The following DYNC2H1 variants were observed in gnomAD, a reference collection of about 807,000 sequenced individuals.
DYNC2H1 encodes cytoplasmic dynein 2 heavy chain 1.
In DYNC2H1, 410 loss-of-function variants were observed where a neutral mutation model predicts 570.0. That is an observed-to-expected ratio of 0.72 (90% CI 0.66 to 0.78). The LOEUF is 0.78. DYNC2H1 is among the 30% of genes least tolerant of loss of function. DYNC2H1 has a pLI of 0.00. For missense variants in DYNC2H1, 4,865 were observed against 5,046.4 expected (o/e 0.96, Z 1.09); for synonymous variants, 1,688 against 1,677.6 (o/e 1.01, Z -0.15).
chr11:103,477,597 C>T (rs370643068), intron 88 of DYNC2H1, among the ~76,000 whole-genome samples: 5 of 151,918 alleles, frequency 3.3e-5, no homozygotes, highest in South Asian at 2.1e-4. Context: ...TTTGGGAGGC[C>T]GAGGCACACG....
In DYNC2H1 at chr11:103,254,934, G is replaced by T. The variant is rs1224635387; in HGVS notation, c.10207-481G>T. Among the ~76,000 whole-genome samples the T allele has an allele frequency of 6.6e-6, 1 of 151,842 alleles. No individual in the cohort carries two copies. The highest frequency in any genetic ancestry group is 6.6e-5 in the Admixed American group (1 of 15,228). The stretch of plus-strand genomic sequence containing the variant: ...TTACAGGCGCCCACCACCACGCCTG[G>T]CTAATTTTTTGTATTTTTAGTAGAG... On this transcript the variant is annotated intron_variant, in intron 66 of 88. Coordinates refer to ENST00000375735, the MANE Select transcript of DYNC2H1 (RefSeq NM_001377.3). This position sits in a 1 kb window ranked among gnomAD's most constrained non-coding sequence, Gnocchi z 4.9.
At chr11:103,438,360 T>C (rs546524) in intron 85 of DYNC2H1, among the ~76,000 whole-genome samples, 39,071 of 152,006 alleles carry the variant, frequency 0.26, 5,908 homozygotes, top group East Asian at 0.44. Context: ...CCAGAGCAGC[T>C]TGTGATACTT....
chr11:103,167,090 A>G (rs1030701149), intron 31 of DYNC2H1, among the ~76,000 whole-genome samples: 20 of 135,384 alleles, frequency 1.5e-4, no homozygotes, highest in African/African-American at 5.1e-4. Context: ...TATTATTTCC[A>G]TTTCAATATT....
In DYNC2H1 at chr11:103,121,002, A is replaced by C. The variant is rs888127953; in HGVS notation, c.1326A>C (p.Glu442Asp). The change falls in exon 9 of 89, where the codon GAA (glutamate) becomes GAC (aspartate). Residue 442 changes from glutamate (E) to aspartate (D), a missense_variant. By Grantham distance (45) the Glu-to-Asp change is conservative (BLOSUM62 2). Around this residue, in one of 5 missense-constraint regions of DYNC2H1, gnomAD observed 1,936 missense variants for 1,962.1 expected, o/e 0.99. Transcript: ENST00000375735. ...TISKELMLERETLLARLVDSI... is the reference protein window; with the variant it reads ...TISKELMLERDTLLARLVDSI... ...GCAAAGAATTGATGTTAGAAAGAGA[A>C]ACTTTACTGGCAAGACTTGTGGACT... 7 of 1,589,334 alleles carry C rather than the reference A, an allele frequency of 4.4e-6. No homozygotes were observed. Among genetic ancestry groups the C allele is most frequent in the Non-Finnish European group, 6.0e-6 (7 of 1,168,574 alleles).
At chr11:103,340,219 G>A (rs1055814055) in intron 82 of DYNC2H1, among the ~76,000 whole-genome samples, 4 of 152,152 alleles carry the variant, frequency 2.6e-5, no homozygotes, top group African/African-American at 4.8e-5. Context: ...GGGGATGATT[G>A]CTGGAGGGTT....
At chr11:103,295,414 A>G (rs559211663) in intron 75 of DYNC2H1, among the ~76,000 whole-genome samples, 1 of 152,302 alleles carries the variant, frequency 6.6e-6, no homozygotes, top group Admixed American at 6.5e-5. Flanking sequence ...ATAAACAACT[A>G]TCTGCGAAGC....
At chr11:103,237,658 A>G (rs1231924136) in intron 63 of DYNC2H1, among the ~76,000 whole-genome samples, 2 of 151,630 alleles carry the variant, frequency 1.3e-5, no homozygotes, top group South Asian at 2.1e-4. Context: ...TTTTTATTAT[A>G]TTTGTTATTC....
In DYNC2H1 at chr11:103,252,980, C is replaced by T. The variant is rs1164375183; in HGVS notation, c.10043-305C>T. ...GATTTCTATTTTTGTCATCTATAAT[C>T]AGCCATTTCAGAGCAATCTGGAATA... On this transcript the variant is annotated intron_variant, in intron 65 of 88. Coordinates refer to ENST00000375735, the MANE Select transcript of DYNC2H1 (RefSeq NM_001377.3). This position sits in a 1 kb window ranked among gnomAD's most constrained non-coding sequence, Gnocchi z 4.6. 6.6e-6 allele frequency among the ~76,000 whole-genome samples: 1 copy of T among 152,072 alleles called. No homozygotes were observed. The highest frequency in any genetic ancestry group is 1.5e-5 in the Non-Finnish European group (1 of 68,000).
chr11:103,154,383 TTAA>T (rs1331588287), intron 22 of DYNC2H1, 65 bp from the exon 23 acceptor site: 13 of 1,346,076 alleles, frequency 9.7e-6, no homozygotes, highest in South Asian at 5.9e-5. Context: ...GTTAAGTAAC[TTAA>T]TGATACTTAA....
intron 17 of DYNC2H1, among the ~76,000 whole-genome samples, chr11:103,142,491 G>A (rs991931): frequency 0.033 from 5,075 of 152,144 alleles, 288 homozygotes; most frequent in African/African-American, 0.12. Flanking sequence ...TCAACATGGC[G>A]AAACATCATC....
chr11:103,242,177 A>G (rs1366646046), intron 63 of DYNC2H1, among the ~76,000 whole-genome samples: 1 of 152,140 alleles, frequency 6.6e-6, no homozygotes, highest in African/African-American at 2.4e-5. Context: ...TATTTTATAT[A>G]CACATACATA....
chr11:103,307,166 A>G (rs1048419221), intron 77 of DYNC2H1, among the ~76,000 whole-genome samples: 2 of 152,190 alleles, frequency 1.3e-5, no homozygotes, highest in Admixed American at 6.5e-5. Flanking sequence ...AGCCCACAGT[A>G]TGAGAAGCAT....
intron 87 of DYNC2H1, among the ~76,000 whole-genome samples, chr11:103,464,584 G>A (rs1490662401): frequency 1.3e-5 from 2 of 152,146 alleles, no homozygotes; most frequent in African/African-American, 4.8e-5. Flanking sequence ...TAAAACATCA[G>A]ATTTTCTTCC....
At position 103,245,511 on chromosome 11, in the gene DYNC2H1, T is replaced by C; in HGVS notation, c.10042+137T>C. 2.3e-6 allele frequency: 2 copies of C among 854,408 alleles called. No individual in the cohort carries two copies. Among genetic ancestry groups the C allele is most frequent in the Non-Finnish European group, 1.7e-6 (1 of 574,156 alleles). 52.9% of individuals were successfully genotyped at this position (854,408 alleles called of 1,614,324 possible). Reference sequence around the variant, plus strand: ...GGCTTACTTCCTTCAGCAATATGTGTAAAGTTGTGACAATATGTGTAAAAT... The same window carrying C: ...GGCTTACTTCCTTCAGCAATATGTGCAAAGTTGTGACAATATGTGTAAAAT... On this transcript the variant is annotated intron_variant, in intron 65 of 88. Coordinates refer to ENST00000375735, the MANE Select transcript of DYNC2H1 (RefSeq NM_001377.3). This position sits in a 1 kb window ranked among gnomAD's most constrained non-coding sequence, Gnocchi z 4.5.
Position 103,204,715 on chromosome 11 carries a change from G to A in DYNC2H1, c.8312-107G>A, listed in dbSNP as rs529254700. On this transcript the variant is annotated intron_variant, in intron 51 of 88. Transcript: ENST00000375735. The surrounding 1 kb of genome is among the most constrained non-coding windows in gnomAD (Gnocchi z 4.1). ...CATAATATTGTTTTATATTGTGCTC[G>A]TTTTAAGAAACAACTCCTACTATTT... The A allele has an allele frequency of 7.9e-4, 605 of 764,078 alleles. 1 individual carries two copies. The highest frequency in any genetic ancestry group is 1.1e-3 in the Middle Eastern group (3 of 2,630). 47.3% of individuals were successfully genotyped at this position (764,078 alleles called of 1,614,324 possible). A position where few individuals can be genotyped will look rare whatever the true frequency, so the allele number is the denominator to read the frequency against.
At chr11:103,456,504 G>A in intron 87 of DYNC2H1, 148 bp downstream of exon 87, 3 of 527,334 alleles carry the variant, frequency 5.7e-6, no homozygotes, top group Non-Finnish European at 9.5e-6. Context: ...ATCAAAATAA[G>A]ATTTGGCATG....
At position 103,253,302 on chromosome 11, in the gene DYNC2H1, C is replaced by T; in HGVS notation, c.10060C>T (p.Gln3354Ter). The change falls in exon 66 of 89, where the codon CAA (glutamine) becomes TAA (stop). Residue 3354 changes from glutamine to a stop codon, truncating the protein, a stop_gained. Transcript: ENST00000375735. LOFTEE classifies it high-confidence loss of function. The stretch of plus-strand genomic sequence containing the variant: ...TTAAATAGGACCACGTTATGTGGTA[C>T]AAATAGGTGACAAAATTATTGACTA... ...LVAQGPRYVV[Q>*]IGDKIIDYNE... 6.2e-7 allele frequency: 1 copy of T among 1,612,294 alleles called. No individual in the cohort carries two copies. Among genetic ancestry groups the T allele is most frequent in the Non-Finnish European group, 8.5e-7 (1 of 1,178,902 alleles).
At position 103,122,943 on chromosome 11, in the gene DYNC2H1, T is replaced by G; in HGVS notation, c.1604T>G (p.Phe535Cys). The part of the protein sequence containing the change: ...DQLKLYEQEQ[F>C]DDWSRDIQSG... ...CTTAAACTATATGAACAGGAACAAT[T>G]TGATGATTGGTCCAGGGATATTCAA... Residue 535 changes from phenylalanine (F) to cysteine (C), a missense_variant, in exon 11 of 89, where the codon TTT becomes TGT. Physicochemically the swap from Phe to Cys is radical, Grantham distance 205. Around this residue, in one of 5 missense-constraint regions of DYNC2H1, gnomAD observed 1,936 missense variants for 1,962.1 expected, o/e 0.99. Coordinates refer to ENST00000375735, the MANE Select transcript of DYNC2H1 (RefSeq NM_001377.3). 1 of 1,609,532 alleles carries G rather than the reference T, an allele frequency of 6.2e-7. No homozygotes were observed. Among genetic ancestry groups the G allele is most frequent in the Non-Finnish European group, 8.5e-7 (1 of 1,177,308 alleles).
intron 82 of DYNC2H1, among the ~76,000 whole-genome samples, chr11:103,339,602 A>C (rs1294045049): frequency 6.6e-6 from 1 of 152,084 alleles, no homozygotes; most frequent in Non-Finnish European, 1.5e-5. Context: ...CCACAAGTGG[A>C]AGGAGTCTCT....
Sources: gnomAD v4.1 joint callset for allele counts (sites outside exome capture counted in the v4.1 genomes callset) on GRCh38, gnomAD v4.1.1 for gene constraint, gnomAD v4.1.1 regional missense constraint, Gnocchi (gnomAD v3.1) non-coding constraint, MANE v1.5 for transcripts, NCBI Gene and HGNC (gene_info 2026-07-23, HGNC 2026-07-21) for gene names.